The following C1orf21 variants were observed in gnomAD, a reference collection of about 807,000 sequenced individuals.
C1orf21 encodes chromosome 1 open reading frame 21.
In C1orf21, 3 loss-of-function variants were observed where a neutral mutation model predicts 18.7. The observed-to-expected ratio is 0.16, with a 90% CI of 0.07 to 0.42. The LOEUF is 0.42. C1orf21 is among the 10% of genes least tolerant of loss of function. C1orf21 has a pLI of 0.99. For missense variants in C1orf21, 104 were observed against 143.6 expected (o/e 0.72, Z 1.41); for synonymous variants, 41 against 46.4 (o/e 0.88, Z 0.47).
At chr1:184,487,149 G>A (rs1657744276) in intron 2 of C1orf21, among the ~76,000 whole-genome samples, 1 of 152,008 alleles carries the variant, frequency 6.6e-6, no homozygotes, top group Admixed American at 6.5e-5. Context: ...TGACACTACA[G>A]ATTCAGACAT....
intron 1 of C1orf21, among the ~76,000 whole-genome samples, chr1:184,448,589 C>T (rs1349112490): frequency 6.6e-6 from 1 of 152,216 alleles, no homozygotes. Context: ...CCTAGTACTG[C>T]AGGCATGAGC....
At chr1:184,476,368 T>C (rs2101990113) in intron 1 of C1orf21, among the ~76,000 whole-genome samples, 1 of 152,194 alleles carries the variant, frequency 6.6e-6, no homozygotes, top group South Asian at 2.1e-4. Context: ...TAAGGGCCTG[T>C]ATTACAGTGG....
At chr1:184,584,276 A>G (rs1659324099) in intron 3 of C1orf21, among the ~76,000 whole-genome samples, 1 of 152,036 alleles carries the variant, frequency 6.6e-6, no homozygotes, top group African/African-American at 2.4e-5. Flanking sequence ...CAAGTTAAGT[A>G]TACACATGCT....
At chr1:184,476,084 C>T (rs1185336647) in intron 1 of C1orf21, among the ~76,000 whole-genome samples, 2 of 152,034 alleles carry the variant, frequency 1.3e-5, no homozygotes, top group South Asian at 2.1e-4. Context: ...TTTATTAGAT[C>T]GATTATGTTA....
intron 3 of C1orf21, among the ~76,000 whole-genome samples, chr1:184,531,009 C>T (rs1188410030): frequency 2.0e-5 from 3 of 152,182 alleles, no homozygotes; most frequent in African/African-American, 7.2e-5. Flanking sequence ...TACTCCCACT[C>T]TCCTGTTTTC....
chr1:184,614,281 G>A (rs1659784994), intron 5 of C1orf21, among the ~76,000 whole-genome samples: 1 of 152,182 alleles, frequency 6.6e-6, no homozygotes, highest in Non-Finnish European at 1.5e-5. Context: ...CCACAACTCT[G>A]CAAGTTAGGT....
chr1:184,480,846 C>T (rs1657642876), intron 2 of C1orf21, among the ~76,000 whole-genome samples: 1 of 152,132 alleles, frequency 6.6e-6, no homozygotes, highest in African/African-American at 2.4e-5. Context: ...CGCTTTCGTG[C>T]TTAATCTACT....
intron 3 of C1orf21, among the ~76,000 whole-genome samples, chr1:184,578,935 C>T (rs770642180): frequency 3.3e-5 from 5 of 150,682 alleles, no homozygotes; most frequent in Non-Finnish European, 7.4e-5. Context: ...CAATGATATC[C>T]GTCATTTAGT....
intron 3 of C1orf21, among the ~76,000 whole-genome samples, chr1:184,521,743 CG>C (rs1414278964): frequency 1.3e-5 from 2 of 151,794 alleles, no homozygotes; most frequent in Non-Finnish European, 2.9e-5. Flanking sequence ...TGAAATTTAA[CG>C]TACATAAATT....
intron 1 of C1orf21, among the ~76,000 whole-genome samples, chr1:184,450,256 A>C (rs556751414): frequency 6.6e-6 from 1 of 152,144 alleles, no homozygotes; most frequent in African/African-American, 2.4e-5. Context: ...ACGCCACCAC[A>C]CTGAATGCAG....
At chr1:184,448,174 C>G (rs1416597928) in intron 1 of C1orf21, among the ~76,000 whole-genome samples, 4 of 152,192 alleles carry the variant, frequency 2.6e-5, no homozygotes, top group African/African-American at 9.6e-5. Context: ...GCCTCTGCCT[C>G]CTAGGTTCAA....
chr1:184,429,979 G>A (rs1435137871), intron 1 of C1orf21, among the ~76,000 whole-genome samples: 1 of 152,014 alleles, frequency 6.6e-6, no homozygotes, highest in Non-Finnish European at 1.5e-5. Flanking sequence ...GGGTGAAGTG[G>A]TGGGTGCCTG....
intron 5 of C1orf21, among the ~76,000 whole-genome samples, chr1:184,612,535 G>T (rs1659752764): frequency 6.6e-6 from 1 of 152,180 alleles, no homozygotes; most frequent in Non-Finnish European, 1.5e-5. Flanking sequence ...AGACTAGCCT[G>T]GCCAACATGA....
intron 3 of C1orf21, among the ~76,000 whole-genome samples, chr1:184,547,678 C>T (rs562828995): frequency 6.6e-6 from 1 of 152,024 alleles, no homozygotes; most frequent in Non-Finnish European, 1.5e-5. Flanking sequence ...ATTTTGGCAG[C>T]ATTTTAGATA....
At chr1:184,484,534 C>G (rs1210412620) in intron 2 of C1orf21, among the ~76,000 whole-genome samples, 1 of 152,210 alleles carries the variant, frequency 6.6e-6, no homozygotes, top group African/African-American at 2.4e-5. Context: ...GCAGGAACTG[C>G]ATGGGCTTGA....
intron 1 of C1orf21, among the ~76,000 whole-genome samples, chr1:184,460,752 G>C (rs1299643252): frequency 7.1e-5 from 9 of 127,498 alleles, no homozygotes; most frequent in Non-Finnish European, 1.4e-4. Flanking sequence ...TCATTATGTT[G>C]CCCAGGCTGG....
At chr1:184,586,322 G>A (rs1249991787) in intron 3 of C1orf21, among the ~76,000 whole-genome samples, 1 of 137,188 alleles carries the variant, frequency 7.3e-6, no homozygotes, top group Non-Finnish European at 1.5e-5. Flanking sequence ...TCTCGCTGTC[G>A]CCCAGGCTGG....
intron 3 of C1orf21, among the ~76,000 whole-genome samples, chr1:184,580,573 A>G (rs1418017290): frequency 6.6e-6 from 1 of 152,234 alleles, no homozygotes; most frequent in Admixed American, 6.5e-5. Context: ...TTCATCTTCA[A>G]CATCATCTCA....
chr1:184,413,984 G>A (rs1273263660), intron 1 of C1orf21, among the ~76,000 whole-genome samples: 1 of 152,146 alleles, frequency 6.6e-6, no homozygotes, highest in Non-Finnish European at 1.5e-5. Flanking sequence ...TGACCATTGT[G>A]CCTTCTTGTG....
Sources: gnomAD v4.1 joint callset for allele counts (sites outside exome capture counted in the v4.1 genomes callset) on GRCh38, gnomAD v4.1.1 for gene constraint, MANE v1.5 for transcripts, NCBI Gene and HGNC (gene_info 2026-07-23, HGNC 2026-07-21) for gene names.